DLG1: variants seen among roughly 807,000 people sequenced by gnomAD.
DLG1 encodes the protein disks large homolog 1.
Under a neutral mutation model 123.4 loss-of-function variants are expected in DLG1, and 42 were observed. The observed-to-expected ratio is 0.34, with a 90% confidence interval of 0.27 to 0.44. The LOEUF is 0.44. DLG1 is among the 20% of genes least tolerant of loss of function. The pLI, the probability that DLG1 is intolerant of heterozygous loss-of-function variation, is 1.00. For missense variants in DLG1, 942 were observed against 1,082.6 expected (o/e 0.87, Z 1.82); for synonymous variants, 317 against 356.2 (o/e 0.89, Z 1.24).
chr3:197,228,210 T>C (rs1217755999), intron 4 of DLG1, among the ~76,000 whole-genome samples: 1 of 152,242 alleles, frequency 6.6e-6, no homozygotes, highest in Admixed American at 6.5e-5. Flanking sequence ...ATACAACTTC[T>C]CCAATTTTTG....
chr3:197,136,565 G>C lies in DLG1; in HGVS notation c.997C>G (p.Gln333Glu). 1 of 1,611,880 alleles carries C rather than the reference G, an allele frequency of 6.2e-7. No homozygotes were observed. Among genetic ancestry groups the C allele is most frequent in the Non-Finnish European group, 8.5e-7 (1 of 1,179,194 alleles). ...GGAAHKDGKLQIGDKLLAVNN... is the reference protein window; with the variant it reads ...GGAAHKDGKLEIGDKLLAVNN... ...ACTGCTAAAAGTTTATCTCCAATCTGAAGTTTGCCATCCTTATGTGCTGCA... is the reference window on the plus strand; with the variant it reads ...ACTGCTAAAAGTTTATCTCCAATCTCAAGTTTGCCATCCTTATGTGCTGCA... Residue 333 changes from glutamine to glutamate, a missense_variant, in exon 10 of 25, where the codon CAG becomes GAG. Transcript: ENST00000667157.
At chr3:197,273,867 C>G (rs375622395) in intron 4 of DLG1, among the ~76,000 whole-genome samples, 1 of 43,558 alleles carries the variant, frequency 2.3e-5, no homozygotes, top group African/African-American at 8.9e-5. Context: ...AAAAAAAAAC[C>G]AAAACAAACC....
chr3:197,068,614 T>C (rs1265810183), intron 19 of DLG1: 2 of 900,100 alleles, frequency 2.2e-6, no homozygotes, highest in Admixed American at 2.0e-5. Flanking sequence ...ACTGATATTA[T>C]GTACCCTCCC....
chr3:197,205,890 T>C (rs1475857962), intron 4 of DLG1, among the ~76,000 whole-genome samples: 2 of 152,222 alleles, frequency 1.3e-5, no homozygotes. Flanking sequence ...ACTTCCTCCA[T>C]CTTCAAAGCC....
intron 6 of DLG1, among the ~76,000 whole-genome samples, chr3:197,143,413 C>A (rs937550569): frequency 6.6e-6 from 1 of 151,990 alleles, no homozygotes; most frequent in African/African-American, 2.4e-5. Flanking sequence ...CTGCCCACCA[C>A]GCCCGGCTAA....
intron 19 of DLG1, chr3:197,068,597 T>G: frequency 9.1e-7 from 1 of 1,093,722 alleles, no homozygotes; most frequent in South Asian, 1.3e-5. Flanking sequence ...ATTTTTAAGG[T>G]GCTACAACTG....
rs530358523 is a variant in DLG1, at chr3:197,213,466, T to C, written c.319-18877A>G. Among the ~76,000 whole-genome samples, 7 of 152,264 alleles carry C rather than the reference T, an allele frequency of 4.6e-5. No homozygotes were observed. In the East Asian group the frequency reaches 1.2e-3, roughly 25 times the overall value. ...TTTGGAGTGAGGAAAATACTCTGTA[T>C]CTCAACTATGGAAATGGTTTCACAG... On this transcript the variant is annotated intron_variant, in intron 4 of 24. Transcript: ENST00000667157.
intron 17 of DLG1, 89 bp from the exon 18 acceptor site, chr3:197,076,774 C>G (rs1408988141): frequency 2.5e-6 from 2 of 816,220 alleles, no homozygotes; most frequent in African/African-American, 3.5e-5. Flanking sequence ...GAAGCTGACT[C>G]CTATGACCAC....
intron 13 of DLG1, among the ~76,000 whole-genome samples, chr3:197,108,600 T>TTGAC (rs397699638): frequency 6.6e-6 from 1 of 151,960 alleles, no homozygotes; most frequent in Non-Finnish European, 1.5e-5. Context: ...TACATAATGA[T>TTGAC]ATACTATAAA....
At chr3:197,048,286 C>T (rs1471193186) in intron 24 of DLG1, among the ~76,000 whole-genome samples, 1 of 152,196 alleles carries the variant, frequency 6.6e-6, no homozygotes, top group African/African-American at 2.4e-5. Flanking sequence ...GTCTGACCAA[C>T]ATGGCAAAAC....
chr3:197,297,697 G>A (rs556691537), intron 1 of DLG1: 13 of 989,036 alleles, frequency 1.3e-5, no homozygotes, highest in African/African-American at 7.0e-5. Context: ...GCTGCCTCCG[G>A]GCTGCTCCAG....
chr3:197,221,572 T>G (rs1046147623), intron 4 of DLG1, among the ~76,000 whole-genome samples: 1 of 151,476 alleles, frequency 6.6e-6, no homozygotes, highest in African/African-American at 2.4e-5. Context: ...AAGCAAACAC[T>G]CAATAAAGCT....
At chr3:197,227,456 C>G (rs1203602690) in intron 4 of DLG1, among the ~76,000 whole-genome samples, 1 of 151,280 alleles carries the variant, frequency 6.6e-6, no homozygotes, top group East Asian at 1.9e-4. Flanking sequence ...GCCTGGGCGA[C>G]AGAGTGAGAC....
chr3:197,297,479 C>T, intron 1 of DLG1: 3 of 1,321,300 alleles, frequency 2.3e-6, no homozygotes, highest in Non-Finnish European at 2.9e-6. Context: ...TCGAAAGCGT[C>T]CCCTCCCCAA....
intron 4 of DLG1, among the ~76,000 whole-genome samples, chr3:197,259,965 G>A (rs553006206): frequency 6.6e-6 from 1 of 152,300 alleles, no homozygotes; most frequent in Admixed American, 6.5e-5. Flanking sequence ...GTAGCTCTGA[G>A]AATACACTGA....
upstream of DLG1, chr3:197,298,618 C>T (rs1184761219): frequency 1.8e-5 from 7 of 398,366 alleles, no homozygotes; most frequent in Admixed American, 4.4e-5. Flanking sequence ...GGGGTAGATC[C>T]CCACCGGGGA....
chr3:197,269,798 C>G (rs1013056131), intron 4 of DLG1, among the ~76,000 whole-genome samples: 3 of 152,126 alleles, frequency 2.0e-5, no homozygotes, highest in Admixed American at 6.5e-5. Flanking sequence ...TGTGATGTGC[C>G]TTTTAAAACT....
chr3:197,228,943 G>A (rs7610663), intron 4 of DLG1, among the ~76,000 whole-genome samples: 4 of 152,102 alleles, frequency 2.6e-5, no homozygotes, highest in Non-Finnish European at 5.9e-5. Context: ...TTGGTAGTAC[G>A]TTCAATGCTG....
At position 197,044,707 on chromosome 3, in the gene DLG1, C is replaced by T; in HGVS notation, c.2598G>A (p.Leu866=). 6.2e-7 allele frequency: 1 copy of T among 1,605,150 alleles called. No homozygotes were observed. Among genetic ancestry groups the T allele is most frequent in the Non-Finnish European group, 8.5e-7 (1 of 1,174,282 alleles). ...HFTAIVQGDT[L]EDIYNQVKQI... ...GTTTCACTTGGTTGTAAATGTCTTC[C>T]AGCGTATCCCCCTGTACAATAGCTG... The change falls in exon 25 of 25, where the codon CTG becomes CTA. Residue 866 remains leucine (L), a synonymous_variant. Transcript: ENST00000667157.
Sources: allele counts gnomAD v4.1 joint callset (sites outside exome capture counted in the v4.1 genomes callset), GRCh38; gene constraint gnomAD v4.1.1; transcripts MANE v1.5; gene names NCBI Gene and HGNC (gene_info 2026-07-23, HGNC 2026-07-21).